ANK3: variants seen among roughly 807,000 people sequenced by gnomAD.
The protein encoded by ANK3 is ankyrin-3.
Under a neutral mutation model 370.9 loss-of-function variants are expected in ANK3, and 57 were observed. The ratio of observed to expected loss-of-function variants is 0.15; its 90% CI spans 0.12 to 0.19. The LOEUF (loss-of-function observed/expected upper bound fraction) is 0.19. ANK3 is among the 10% of genes least tolerant of loss of function. The pLI is 1.00. For synonymous variants in ANK3, 1,929 were observed against 1,946.3 expected (o/e 0.99, Z 0.23); for missense variants, 4,439 against 5,302.1 (o/e 0.84, Z 5.06).
At chr10:60,193,716 A>G (rs1029334160) in intron 16 of ANK3, among the ~76,000 whole-genome samples, 2 of 152,094 alleles carry the variant, frequency 1.3e-5, no homozygotes, top group African/African-American at 4.8e-5. Flanking sequence ...AACTTTGGTC[A>G]ATTTTACACT....
chr10:60,062,777 AG>A (rs1319785982), intron 40 of ANK3: 6 of 171,140 alleles, frequency 3.5e-5, no homozygotes, highest in African/African-American at 1.4e-4. Context: ...AGAGGTAACT[AG>A]TTTAGGAGGG....
chr10:60,356,989 G>A (rs954920461), intron 1 of ANK3, among the ~76,000 whole-genome samples: 7 of 152,172 alleles, frequency 4.6e-5, no homozygotes, highest in East Asian at 1.9e-4. Flanking sequence ...GATTACCGGC[G>A]TGAGCCACCG....
intron 1 of ANK3, among the ~76,000 whole-genome samples, chr10:60,369,049 T>C (rs1024968343): frequency 2.0e-5 from 3 of 152,156 alleles, no homozygotes; most frequent in African/African-American, 4.8e-5. Flanking sequence ...TGATTAACTA[T>C]ACCCTTAGGA....
chr10:60,264,395 C>T (rs1413903118), intron 5 of ANK3, among the ~76,000 whole-genome samples: 2 of 152,050 alleles, frequency 1.3e-5, no homozygotes, highest in Non-Finnish European at 2.9e-5. Context: ...CCTGTAATCT[C>T]AGCACTTTGG....
At chr10:60,357,900 G>A (rs542987208) in intron 1 of ANK3, among the ~76,000 whole-genome samples, 1 of 152,158 alleles carries the variant, frequency 6.6e-6, no homozygotes, top group African/African-American at 2.4e-5. Flanking sequence ...AAGCATCCCT[G>A]CCTTTCTCTA....
At chr10:60,608,657 T>A (rs2078161535) in intron 2 of ANK3, among the ~76,000 whole-genome samples, 1 of 152,216 alleles carries the variant, frequency 6.6e-6, no homozygotes, top group Non-Finnish European at 1.5e-5. Context: ...TGTGAGTTTG[T>A]GTATGCAAAC....
intron 2 of ANK3, among the ~76,000 whole-genome samples, chr10:60,553,553 T>A (rs1030130277): frequency 2.0e-5 from 3 of 152,132 alleles, no homozygotes; most frequent in African/African-American, 7.2e-5. Context: ...TTATCCAGAT[T>A]TTTTCAGCTA....
chr10:60,433,407 T>C (rs962614955), intron 2 of ANK3, among the ~76,000 whole-genome samples: 3 of 152,148 alleles, frequency 2.0e-5, no homozygotes, highest in East Asian at 1.9e-4. Flanking sequence ...CTGGCCAACG[T>C]GGTGAAACCC....
At chr10:60,031,287 G>A (rs528643324) in intron 43 of ANK3, among the ~76,000 whole-genome samples, 2 of 152,204 alleles carry the variant, frequency 1.3e-5, no homozygotes, top group East Asian at 1.9e-4. Context: ...AATTGTATTT[G>A]AGCTTTTTAG....
chr10:60,171,564 G>C (rs1418101257), intron 21 of ANK3, among the ~76,000 whole-genome samples: 1 of 152,190 alleles, frequency 6.6e-6, no homozygotes, highest in Non-Finnish European at 1.5e-5. Context: ...TATGTGTTGA[G>C]TCATGGAGTC....
chr10:60,440,775 T>C (rs1163092269), intron 2 of ANK3, among the ~76,000 whole-genome samples: 2 of 152,160 alleles, frequency 1.3e-5, no homozygotes, highest in African/African-American at 4.8e-5. Flanking sequence ...GAGCTCCCAA[T>C]GTTAAGAGAC....
intron 8 of ANK3, among the ~76,000 whole-genome samples, chr10:60,214,208 A>G (rs2096899634): frequency 6.6e-6 from 1 of 152,128 alleles, no homozygotes; most frequent in Non-Finnish European, 1.5e-5. Context: ...GCTAATGAAG[A>G]TTAGTTATTG....
Position 60,433,199 on chromosome 10 carries a change from T to C in ANK3, c.97-153560A>G, listed in dbSNP as rs556386859. On this transcript the variant is annotated intron_variant, in intron 2 of 43. Transcript: ENST00000373827. Reference sequence around the variant, plus strand: ...AACACCAGGCATGGTGGTTCTTGCCTGTAATCCCAGCACTTTGGGAGGCCA... The same window carrying C: ...AACACCAGGCATGGTGGTTCTTGCCCGTAATCCCAGCACTTTGGGAGGCCA... Among the ~76,000 whole-genome samples, 7 of 152,318 alleles carry C rather than the reference T, an allele frequency of 4.6e-5. No individual in the cohort carries two copies. The East Asian group carries it at 1.4e-3, about 29-fold the overall frequency.
At chr10:60,084,523 G>A (rs753176062) in intron 32 of ANK3, 79 bp downstream of exon 32, 2 of 1,082,400 alleles carry the variant, frequency 1.8e-6, no homozygotes, top group Non-Finnish European at 2.8e-6. Context: ...ATTTTATAGT[G>A]AGTGCTATTA....
chr10:60,031,684 G>A (rs991124451), intron 43 of ANK3, among the ~76,000 whole-genome samples: 3 of 152,112 alleles, frequency 2.0e-5, no homozygotes, highest in African/African-American at 7.2e-5. Context: ...GAGTTCCAGT[G>A]ACCTTGAAGA....
chr10:60,111,757 A>G, intron 26 of ANK3: 1 of 456,272 alleles, frequency 2.2e-6, no homozygotes, highest in South Asian at 1.6e-5. Flanking sequence ...GAGGAAGTGG[A>G]GAAGAATAGC....
chr10:60,712,642 G>A (rs1397395300), intron 1 of ANK3, among the ~76,000 whole-genome samples: 1 of 152,022 alleles, frequency 6.6e-6, no homozygotes, highest in African/African-American at 2.4e-5. Flanking sequence ...GGGTTTAAAT[G>A]CACAAATTAA....
intron 2 of ANK3, among the ~76,000 whole-genome samples, chr10:60,552,760 C>A (rs1486467157): frequency 6.6e-6 from 1 of 152,184 alleles, no homozygotes; most frequent in Non-Finnish European, 1.5e-5. Flanking sequence ...TATGTCCCCA[C>A]CAAAATCTCA....
chr10:60,668,662 T>G (rs1276963790), intron 1 of ANK3, among the ~76,000 whole-genome samples: 2 of 152,136 alleles, frequency 1.3e-5, no homozygotes, highest in Non-Finnish European at 2.9e-5. Context: ...CAGGCTCAGC[T>G]GTTACCCTCC....
Sources: allele counts gnomAD v4.1 joint callset (sites outside exome capture counted in the v4.1 genomes callset), GRCh38; gene constraint gnomAD v4.1.1; transcripts MANE v1.5; gene names NCBI Gene and HGNC (gene_info 2026-07-23, HGNC 2026-07-21).